WDFY4: variants seen among roughly 807,000 people sequenced by gnomAD.
WDFY4 encodes the protein WD repeat- and FYVE domain-containing protein 4.
In WDFY4, 169 loss-of-function variants were observed where a neutral mutation model predicts 351.9. That is an observed-to-expected ratio of 0.48 (90% confidence interval 0.42 to 0.55). WDFY4 has a LOEUF of 0.55. Ranked by LOEUF, WDFY4 falls within the 20% of genes least tolerant of loss-of-function variation. WDFY4 has a pLI of 0.00. For synonymous variants in WDFY4, 1,622 were observed against 1,574.6 expected (o/e 1.03, Z -0.71); for missense variants, 3,803 against 3,935.6 (o/e 0.97, Z 0.90).
chr10:48,840,457 G>A (rs538231357), intron 39 of WDFY4, among the ~76,000 whole-genome samples: 2,244 of 142,760 alleles, frequency 0.016, 64 homozygotes, highest in African/African-American at 0.056. Flanking sequence ...CCTCTCTCAC[G>A]CACACACACA....
intron 32 of WDFY4, among the ~76,000 whole-genome samples, chr10:48,819,381 C>G (rs2067733069): frequency 6.6e-6 from 1 of 152,202 alleles, no homozygotes. Flanking sequence ...CCAATCAAGG[C>G]CGCACGGAGC....
At chr10:48,811,335 G>A (rs1047839794) in intron 29 of WDFY4, among the ~76,000 whole-genome samples, 1 of 152,184 alleles carries the variant, frequency 6.6e-6, no homozygotes, top group African/African-American at 2.4e-5. Flanking sequence ...GTATGTTTTT[G>A]AGTGAATGAA....
At position 48,946,774 on chromosome 10, in the gene WDFY4, C is replaced by T. The variant is rs916645125; in HGVS notation, c.7868-86C>T. The T allele has an allele frequency of 2.1e-5, 20 of 961,962 alleles. No homozygotes were observed. In the African/African-American group the frequency reaches 2.5e-4, roughly 12 times the overall value. 59.6% of individuals were successfully genotyped at this position (961,962 alleles called of 1,614,324 possible). A position where few individuals can be genotyped will look rare whatever the true frequency, so the allele number is the denominator to read the frequency against. ...GTCAATGAATATATGTTTTTAATGC[C>T]GTTCATGAACACAGTGTAGCACACA... On this transcript the variant is annotated intron_variant, in intron 50 of 61. Transcript: ENST00000325239.
chr10:48,783,890 TATG>T (rs1432211955), intron 19 of WDFY4, among the ~76,000 whole-genome samples: 3 of 152,228 alleles, frequency 2.0e-5, no homozygotes, highest in South Asian at 2.1e-4. Context: ...ACAGTAAAAA[TATG>T]ATATTATTAT....
chr10:48,976,707 T>C, intron 58 of WDFY4, 90 bp from the exon 59 acceptor site: 1 of 1,192,504 alleles, frequency 8.4e-7, no homozygotes, highest in Admixed American at 4.0e-5. Context: ...AGATTGAGAG[T>C]ACTTGGGTGT....
rs143949072 is a variant in WDFY4 at position 48,914,090 on chromosome 10, G to A, written c.7586+12227G>A. ...GCTTTTTCCCATCAAAAGTGATTTT[G>A]ATGCAATTCCTGGCCACCTTGAGGG... On this transcript the variant is annotated intron_variant, in intron 47 of 61. Coordinates refer to ENST00000325239, the MANE Select transcript of WDFY4 (RefSeq NM_001394531.1). The A allele has an allele frequency of 1.1e-4, 170 of 1,614,168 alleles. No homozygotes were observed. The African/African-American group carries it at 2.0e-3, about 19-fold the overall frequency.
In WDFY4 at chr10:48,731,571, G is replaced by T; in HGVS notation, c.1582+9G>T. 6.5e-7 allele frequency: 1 copy of T among 1,547,324 alleles called. No homozygotes were observed. Among genetic ancestry groups the T allele is most frequent in the South Asian group, 1.2e-5 (1 of 83,612 alleles). Reference sequence around the variant, plus strand: ...GATCATGAGGAAGTCAGGTGCCACTGGGTGCATTGGGAGGGATGGGCAGGG... The same window carrying T: ...GATCATGAGGAAGTCAGGTGCCACTTGGTGCATTGGGAGGGATGGGCAGGG... On this transcript the variant is annotated intron_variant, in intron 9 of 61. Coordinates refer to ENST00000325239, the MANE Select transcript of WDFY4 (RefSeq NM_001394531.1).
chr10:48,693,896 A>G (rs1359989841), intron 1 of WDFY4, among the ~76,000 whole-genome samples: 1 of 152,194 alleles, frequency 6.6e-6, no homozygotes, highest in Non-Finnish European at 1.5e-5. Context: ...ACTCAAGAAA[A>G]TGAGTCACTC....
intron 39 of WDFY4, among the ~76,000 whole-genome samples, chr10:48,858,770 T>C (rs2069233590): frequency 6.6e-6 from 1 of 152,240 alleles, no homozygotes; most frequent in African/African-American, 2.4e-5. Context: ...AAGAATTTTA[T>C]TAAACATGCT....
chr10:48,785,805 A>T, intron 19 of WDFY4, among the ~76,000 whole-genome samples: 1 of 152,200 alleles, frequency 6.6e-6, no homozygotes, highest in East Asian at 1.9e-4. Context: ...AGTTGTTTAA[A>T]CTATTCTAGG....
chr10:48,715,180 C>A (rs1455542789), intron 2 of WDFY4, among the ~76,000 whole-genome samples: 1 of 152,254 alleles, frequency 6.6e-6, no homozygotes, highest in African/African-American at 2.4e-5. Flanking sequence ...CACCCACAAT[C>A]TTGGAAGTGG....
chr10:48,811,542 A>T lies in WDFY4; in HGVS notation c.5048A>T (p.Asn1683Ile). The change falls in exon 30 of 62, where the codon AAC becomes ATC. Residue 1683 changes from asparagine (N) to isoleucine (I), a missense_variant. By Grantham distance (149) the Asn-to-Ile change is moderately radical. Transcript: ENST00000325239. ...STEGVDIVMD[N>I]LKSQSPLPEQ... ...GCCCCCTTTGCCTGATCAATAGACA[A>T]CCTGAAGAGCCAGTCACCACTGCCT... 1 of 1,552,106 alleles carries T rather than the reference A, an allele frequency of 6.4e-7. No homozygotes were observed.
At chr10:48,737,485 T>G (rs999787037) in intron 11 of WDFY4, among the ~76,000 whole-genome samples, 2 of 152,328 alleles carry the variant, frequency 1.3e-5, no homozygotes, top group Non-Finnish European at 2.9e-5. Context: ...CATACTTACT[T>G]TATTTCTCTG....
chr10:48,708,799 T>C (rs184975998), intron 1 of WDFY4, among the ~76,000 whole-genome samples: 2 of 152,342 alleles, frequency 1.3e-5, no homozygotes, highest in East Asian at 3.9e-4. Flanking sequence ...AAGGGTCATT[T>C]TGAGAATAAA....
At chr10:48,847,152 T>C (rs1230253177) in intron 39 of WDFY4, among the ~76,000 whole-genome samples, 1 of 152,106 alleles carries the variant, frequency 6.6e-6, no homozygotes. Context: ...GGGGCTGGTT[T>C]CCCCTGAGGC....
At chr10:48,759,694 G>T (rs776878105) in intron 12 of WDFY4, among the ~76,000 whole-genome samples, 19 of 152,168 alleles carry the variant, frequency 1.2e-4, no homozygotes, top group Non-Finnish European at 2.2e-4. Context: ...AGAAACAGAG[G>T]ACTTCTCTTG....
intron 20 of WDFY4, among the ~76,000 whole-genome samples, chr10:48,787,885 CTT>C (rs1565198258): frequency 1.2e-4 from 10 of 80,322 alleles, no homozygotes; most frequent in African/African-American, 7.0e-4. Context: ...TTTCTTTCTT[CTT>C]CTTCTCCTTC....
At chr10:48,766,513 C>T (rs140984701) in intron 13 of WDFY4, among the ~76,000 whole-genome samples, 101 of 152,176 alleles carry the variant, frequency 6.6e-4, no homozygotes, top group African/African-American at 2.3e-3. Context: ...TTGCTTGAGC[C>T]CAGGAGGTTG....
chr10:48,820,447 A>T lies in WDFY4; in HGVS notation c.5709+10A>T. On this transcript the variant is annotated intron_variant, in intron 33 of 61. Transcript: ENST00000325239. ...GGAGGTGCTCCTGGAGGTGGGTTGG[A>T]AAAGGTGACATTGGGCCATGTGCTG... 1.3e-6 allele frequency: 2 copies of T among 1,550,268 alleles called. No homozygotes were observed. Among genetic ancestry groups the T allele is most frequent in the Non-Finnish European group, 1.7e-6 (2 of 1,146,192 alleles).
Sources: gnomAD v4.1 joint callset for allele counts (sites outside exome capture counted in the v4.1 genomes callset) on GRCh38, gnomAD v4.1.1 for gene constraint, MANE v1.5 for transcripts, NCBI Gene and HGNC (gene_info 2026-07-23, HGNC 2026-07-21) for gene names.